The following NDFIP2 variants were observed in gnomAD, a reference collection of about 807,000 sequenced individuals.
NDFIP2 encodes NEDD4 family-interacting protein 2.
Under a neutral mutation model 36.0 loss-of-function variants are expected in NDFIP2, and 19 were observed. That is an observed-to-expected ratio of 0.53 (90% CI 0.37 to 0.77). The LOEUF (loss-of-function observed/expected upper bound fraction) is 0.77, where lower values mean the gene tolerates loss of function less well. Among genes scored for constraint, NDFIP2 ranks in the 30% least tolerant of loss-of-function variants. The pLI is 0.00. For missense variants in NDFIP2, 446 were observed against 435.8 expected, an observed-to-expected ratio of 1.02 and a Z score of -0.21; for synonymous variants, 181 against 167.7, an observed-to-expected ratio of 1.08 and a Z score of -0.61.
intron 1 of NDFIP2, among the ~76,000 whole-genome samples, chr13:79,486,148 C>A (rs945229544): frequency 6.6e-6 from 1 of 152,046 alleles, no homozygotes; most frequent in Non-Finnish European, 1.5e-5. Flanking sequence ...TGCAATATTC[C>A]AAAATCCAAA....
intron 1 of NDFIP2, among the ~76,000 whole-genome samples, chr13:79,497,177 T>C (rs1267236858): frequency 6.6e-6 from 1 of 152,042 alleles, no homozygotes; most frequent in African/African-American, 2.4e-5. Flanking sequence ...TAGATTCAGA[T>C]TGTAAGCTGG....
At chr13:79,524,548 T>C (rs1874716250) in intron 2 of NDFIP2, among the ~76,000 whole-genome samples, 1 of 152,236 alleles carries the variant, frequency 6.6e-6, no homozygotes, top group African/African-American at 2.4e-5. Context: ...AATGAGGTTA[T>C]ATTTGCAGGT....
intron 3 of NDFIP2, among the ~76,000 whole-genome samples, chr13:79,535,791 A>G (rs536513099): frequency 6.6e-6 from 1 of 152,186 alleles, no homozygotes; most frequent in South Asian, 2.1e-4. Context: ...TTGCACAAAA[A>G]AAATATTTGA....
intron 5 of NDFIP2, among the ~76,000 whole-genome samples, 193 bp downstream of exon 5, chr13:79,543,875 T>A (rs1875554811): frequency 6.6e-6 from 1 of 152,226 alleles, no homozygotes. Context: ...TGAGAAGTTG[T>A]TAATATAGTG....
At chr13:79,532,802 T>C (rs546806418) in intron 2 of NDFIP2, among the ~76,000 whole-genome samples, 32 of 152,348 alleles carry the variant, frequency 2.1e-4, no homozygotes, top group Admixed American at 1.2e-3. Context: ...AGGAGCTTCC[T>C]GTGTCTGCCA....
In NDFIP2 at chr13:79,522,602, A is replaced by G. The variant is rs114488495; in HGVS notation, c.487+1627A>G. On this transcript the variant is annotated intron_variant, in intron 2 of 7. Coordinates refer to ENST00000218652, the MANE Select transcript of NDFIP2 (RefSeq NM_019080.3). ...TAGAGTCTTATGTGACTGTTGTCTG[A>G]TGGTGGCTGGGGTTGGAATTATCTC... Among the ~76,000 whole-genome samples the G allele has an allele frequency of 2.4e-3, 372 of 152,306 alleles. 3 individuals carry two copies. The highest frequency in any genetic ancestry group is 8.6e-3 in the African/African-American group (359 of 41,574).
intron 1 of NDFIP2, 133 bp downstream of exon 1, chr13:79,481,657 CTTCT>C: frequency 8.7e-7 from 1 of 1,150,918 alleles, no homozygotes; most frequent in Non-Finnish European, 1.2e-6. Context: ...TTTTTTGGAT[CTTCT>C]GGCTGGAGCT....
At chr13:79,487,991 G>A (rs539465727) in intron 1 of NDFIP2, among the ~76,000 whole-genome samples, 1 of 152,216 alleles carries the variant, frequency 6.6e-6, no homozygotes, top group East Asian at 1.9e-4. Flanking sequence ...CAGCATCAAG[G>A]CAGAAGAAAG....
intron 1 of NDFIP2, among the ~76,000 whole-genome samples, chr13:79,517,806 A>G (rs1874410366): frequency 6.6e-6 from 1 of 152,160 alleles, no homozygotes; most frequent in Non-Finnish European, 1.5e-5. Flanking sequence ...CAGTTTTTGA[A>G]AGTAAGTTGG....
Position 79,520,862 on chromosome 13 carries a change from C to A in NDFIP2, c.374C>A (p.Thr125Asn). ...TCATCGGCTATAGAGCAGCCACCTA[C>A]TTCAAACCCAGCACCGCAGATTGTG... ...SESSAIEQPP[T>N]SNPAPQIVQA... Residue 125 changes from threonine to asparagine, a missense_variant, in exon 2 of 8, where the codon ACT becomes AAT. Thr to Asn is a moderately conservative substitution (Grantham distance 65, BLOSUM62 0). Coordinates refer to ENST00000218652, the MANE Select transcript of NDFIP2 (RefSeq NM_019080.3). 8.1e-6 allele frequency: 13 copies of A among 1,614,066 alleles called. No individual in the cohort carries two copies. Among genetic ancestry groups the A allele is most frequent in the Non-Finnish European group, 1.1e-5 (13 of 1,179,940 alleles).
rs961454352 is a variant in NDFIP2, at chr13:79,554,723, G to A, written c.*2210G>A. The stretch of plus-strand genomic sequence containing the variant: ...TTTCCTGTGAGCTTGAACAGCTGCT[G>A]TTGTGTTTTGGGGATGCTTGATCAT... On this transcript the variant is annotated 3_prime_UTR_variant, in exon 8 of 8. Coordinates refer to ENST00000218652, the MANE Select transcript of NDFIP2 (RefSeq NM_019080.3). 6.6e-6 allele frequency: 1 copy of A among 151,866 alleles called. No individual in the cohort carries two copies. The highest frequency in any genetic ancestry group is 2.4e-5 in the African/African-American group (1 of 41,396). The allele number at this position is 151,866 out of a possible 1,614,324, so 9.4% of individuals were successfully genotyped here.
At chr13:79,534,614 C>A (rs1293156143) in intron 3 of NDFIP2, among the ~76,000 whole-genome samples, 2 of 151,910 alleles carry the variant, frequency 1.3e-5, no homozygotes, top group African/African-American at 4.8e-5. Flanking sequence ...GAATTTTTTG[C>A]CTTTTTTTTC....
chr13:79,487,611 C>T lies in NDFIP2; in HGVS notation c.321+6087C>T, dbSNP rs564413768. The stretch of plus-strand genomic sequence containing the variant: ...GTGTATGTTTCAATTTTATAAGAAA[C>T]CACCAGACTTTTTTCCAAAGTCATT... On this transcript the variant is annotated intron_variant, in intron 1 of 7. Transcript: ENST00000218652. Among the ~76,000 whole-genome samples, 89 of 152,072 alleles carry T rather than the reference C, an allele frequency of 5.9e-4. 1 individual carries two copies. The highest frequency in any genetic ancestry group is 3.2e-3 in the Middle Eastern group (1 of 316).
At chr13:79,517,745 A>G (rs1874408450) in intron 1 of NDFIP2, among the ~76,000 whole-genome samples, 1 of 152,212 alleles carries the variant, frequency 6.6e-6, no homozygotes, top group South Asian at 2.1e-4. Context: ...GCTTATATAT[A>G]AAAGTGTTTG....
chr13:79,549,239 A>G (rs1875806702), intron 6 of NDFIP2, among the ~76,000 whole-genome samples: 1 of 151,958 alleles, frequency 6.6e-6, no homozygotes, highest in Non-Finnish European at 1.5e-5. Context: ...CTATATTGAA[A>G]TTATTTTAGT....
intron 1 of NDFIP2, among the ~76,000 whole-genome samples, chr13:79,484,734 A>G (rs1302315664): frequency 6.6e-6 from 1 of 152,224 alleles, no homozygotes; most frequent in Admixed American, 6.5e-5. Context: ...TTAGCTGAGA[A>G]GGAGGCTTGA....
At chr13:79,506,632 A>ATG (rs1873878237) in intron 1 of NDFIP2, among the ~76,000 whole-genome samples, 1 of 152,084 alleles carries the variant, frequency 6.6e-6, no homozygotes, top group Non-Finnish European at 1.5e-5. Flanking sequence ...AGCGATATAT[A>ATG]CTTTATTTTT....
At chr13:79,520,151 A>G (rs775793360) in intron 1 of NDFIP2, among the ~76,000 whole-genome samples, 20 of 152,114 alleles carry the variant, frequency 1.3e-4, no homozygotes, top group Non-Finnish European at 2.6e-4. Flanking sequence ...AGCGTACTCC[A>G]CATTTTTAGA....
chr13:79,490,405 C>T (rs1594839412), intron 1 of NDFIP2, among the ~76,000 whole-genome samples: 1 of 152,102 alleles, frequency 6.6e-6, no homozygotes, highest in Non-Finnish European at 1.5e-5. Context: ...ATCACATGCT[C>T]GTGAAGATGA....
Sources: gnomAD v4.1 joint callset for allele counts (sites outside exome capture counted in the v4.1 genomes callset) on GRCh38, gnomAD v4.1.1 for gene constraint, MANE v1.5 for transcripts, NCBI Gene and HGNC (gene_info 2026-07-23, HGNC 2026-07-21) for gene names.